The following LRSAM1 variants were observed in gnomAD, a reference collection of about 807,000 sequenced individuals.
The protein encoded by LRSAM1 is leucine rich repeat and sterile alpha motif containing 1, also known as E3 ubiquitin-protein ligase LRSAM1.
In LRSAM1, 96 loss-of-function variants were observed where a neutral mutation model predicts 118.1. That is an observed-to-expected ratio of 0.81 (90% CI 0.69 to 0.96). The LOEUF (loss-of-function observed/expected upper bound fraction) is 0.96. Ranked by LOEUF, LRSAM1 falls within the 40% of genes least tolerant of loss-of-function variation. The pLI, the probability that LRSAM1 is intolerant of heterozygous loss-of-function variation, is 0.00. For missense variants in LRSAM1, 804 were observed against 915.5 expected (o/e 0.88, Z 1.57); for synonymous variants, 322 against 364.2 (o/e 0.88, Z 1.32).
chr9:127,488,434 G>C (rs1384536828), intron 18 of LRSAM1, among the ~76,000 whole-genome samples: 1 of 151,938 alleles, frequency 6.6e-6, no homozygotes, highest in Non-Finnish European at 1.5e-5. Context: ...ACTAATTTTT[G>C]TATTTTTAGT....
chr9:127,462,037 G>A (rs1256379013), intron 8 of LRSAM1, among the ~76,000 whole-genome samples: 1 of 152,194 alleles, frequency 6.6e-6, no homozygotes, highest in East Asian at 1.9e-4. Context: ...GAGAAAACTG[G>A]CACAAGGAGG....
At position 127,458,995 on chromosome 9, in the gene LRSAM1, T is replaced by C. The variant is rs752208982; in HGVS notation, c.253-8T>C. 3 of 1,613,594 alleles carry C rather than the reference T, an allele frequency of 1.9e-6. No individual in the cohort carries two copies. Among genetic ancestry groups the C allele is most frequent in the East Asian group, 4.5e-5 (2 of 44,868 alleles). ...ACTTGGAGACTCACAGGGGTCTTTC[T>C]TCTGCAGGTTCTAGATCTCCACGAT... On this transcript the variant is annotated splice_region_variant and splice_polypyrimidine_tract_variant and intron_variant, in intron 6 of 25. Coordinates refer to ENST00000300417, the MANE Select transcript of LRSAM1 (RefSeq NM_001005373.4).
chr9:127,482,812 C>G, intron 15 of LRSAM1, 138 bp from the exon 16 acceptor site: 1 of 754,856 alleles, frequency 1.3e-6, no homozygotes, highest in African/African-American at 1.7e-5. Flanking sequence ...GCTTGTGATG[C>G]GGTAGGCATC....
rs766883080 is a variant in LRSAM1 at position 127,497,386 on chromosome 9, G to T, written c.1912+52G>T. The T allele has an allele frequency of 1.9e-5, 29 of 1,533,070 alleles. No individual in the cohort carries two copies. In the Admixed American group the frequency reaches 4.9e-4, roughly 26 times the overall value. 95.0% of individuals were successfully genotyped at this position (1,533,070 alleles called of 1,614,324 possible). A position where few individuals can be genotyped will look rare whatever the true frequency, so the allele number is the denominator to read the frequency against. ...AGGCAGGGCTCCAGCCGTATGTGTG[G>T]GCTCTGGTGGGGACAGTCATTTGCT... On this transcript the variant is annotated intron_variant, in intron 24 of 25. Transcript: ENST00000300417.
rs977100758 is a variant in LRSAM1, at chr9:127,465,864, G to A, written c.529-1876G>A. On this transcript the variant is annotated intron_variant, in intron 9 of 25. Transcript: ENST00000300417. The surrounding 1 kb of genome is among the most constrained non-coding windows in gnomAD (Gnocchi z 4.1). ...AGGGTCCAACACAACTCACACCGTG[G>A]ATGGGGCAGTTCTGTGGCTGTGAGC... Among the ~76,000 whole-genome samples, 46 of 152,194 alleles carry A rather than the reference G, an allele frequency of 3.0e-4. No individual in the cohort carries two copies. The highest frequency in any genetic ancestry group is 5.6e-4 in the Non-Finnish European group (38 of 68,034).
chr9:127,492,612 A>T (rs1475558426), intron 20 of LRSAM1, among the ~76,000 whole-genome samples, 190 bp from the exon 21 acceptor site: 2 of 152,212 alleles, frequency 1.3e-5, no homozygotes. Context: ...ACTTAACCCC[A>T]CAAGGAAGAG....
intron 16 of LRSAM1, 33 bp from the exon 17 acceptor site, chr9:127,485,703 C>G (rs373004271): frequency 1.2e-5 from 20 of 1,608,956 alleles, no homozygotes; most frequent in Middle Eastern, 1.6e-4. Flanking sequence ...AGCAGCCACT[C>G]CACTCAGCTG....
rs1427642376 is a variant in LRSAM1, at chr9:127,492,837, C to T, written c.1539C>T (p.Ser513=). 6.2e-7 allele frequency: 1 copy of T among 1,613,856 alleles called. No individual in the cohort carries two copies. The highest frequency in any genetic ancestry group is 8.5e-7 in the Non-Finnish European group (1 of 1,180,048). Residue 513 remains serine, a synonymous_variant, in exon 21 of 26, where the codon TCC becomes TCT. Transcript: ENST00000300417. ...CGGAGCAGCGCTGGGCCCTCAGCTC[C>T]CTGCTCCAGCAGCTGCTCAAAGAGA... is the stretch of plus-strand genomic sequence containing the variant. ...MISEQRWALS[S]LLQQLLKEKQ... is the part of the protein sequence containing the mutation.
At chr9:127,475,868 G>A (rs532862339) in intron 11 of LRSAM1, among the ~76,000 whole-genome samples, 1 of 152,218 alleles carries the variant, frequency 6.6e-6, no homozygotes, top group African/African-American at 2.4e-5. Flanking sequence ...AGCCTCCCGA[G>A]TAGCTGGGAT....
intron 10 of LRSAM1, among the ~76,000 whole-genome samples, chr9:127,470,415 A>T (rs1332143010): frequency 6.6e-6 from 1 of 151,984 alleles, no homozygotes; most frequent in African/African-American, 2.4e-5. Context: ...GCATGGGGGA[A>T]CTGCTCCCAT....
Position 127,458,080 on chromosome 9 carries a change from T to C in LRSAM1, c.252+687T>C, listed in dbSNP as rs1192230300. 2.0e-5 allele frequency among the ~76,000 whole-genome samples: 3 copies of C among 152,028 alleles called. No homozygotes were observed. The East Asian group carries it at 5.8e-4, about 29-fold the overall frequency. On this transcript the variant is annotated intron_variant, in intron 6 of 25. Transcript: ENST00000300417. Reference sequence around the variant, plus strand: ...TCTCCAAGGCCTTTTTTGTGCATTTTCATTTTTAAAAAATTAGCAGTCAGT... The same window carrying C: ...TCTCCAAGGCCTTTTTTGTGCATTTCCATTTTTAAAAAATTAGCAGTCAGT...
intron 16 of LRSAM1, among the ~76,000 whole-genome samples, chr9:127,485,113 T>C (rs1478012867): frequency 1.3e-5 from 2 of 152,206 alleles, no homozygotes; most frequent in Non-Finnish European, 2.9e-5. Context: ...TGGCCTATTT[T>C]AATTTGTTTA....
chr9:127,457,560 T>C (rs1433675548), intron 6 of LRSAM1, 167 bp downstream of exon 6: 10 of 705,386 alleles, frequency 1.4e-5, no homozygotes, highest in Non-Finnish European at 2.5e-5. Context: ...GGGCTGTGTG[T>C]GGGTTAGGGT....
At chr9:127,461,662 G>A (rs939048387) in intron 8 of LRSAM1, among the ~76,000 whole-genome samples, 1 of 152,230 alleles carries the variant, frequency 6.6e-6, no homozygotes, top group African/African-American at 2.4e-5. Flanking sequence ...GAGGGCAGTG[G>A]TGCCATCCCC....
At chr9:127,458,107 G>A (rs1417063219) in intron 6 of LRSAM1, among the ~76,000 whole-genome samples, 4 of 151,996 alleles carry the variant, frequency 2.6e-5, no homozygotes, top group South Asian at 4.1e-4. Flanking sequence ...GCAGTCAGTC[G>A]TGGTGGCTCA....
At chr9:127,479,745 C>A (rs1835463304) in intron 13 of LRSAM1, 94 bp from the exon 14 acceptor site, 59 of 1,521,250 alleles carry the variant, frequency 3.9e-5, no homozygotes, top group Non-Finnish European at 5.2e-5. Flanking sequence ...ATTGGCAAGG[C>A]AGGGTGGGAA....
In LRSAM1 at chr9:127,467,688, C is replaced by T. The variant is rs1835009072; in HGVS notation, c.529-52C>T. ...CAAATTGATAAGGAAATCGTGTGGTCTCCGGTTGCGTTGGTAGCGAACAGT... is the reference window on the plus strand; with the variant it reads ...CAAATTGATAAGGAAATCGTGTGGTTTCCGGTTGCGTTGGTAGCGAACAGT... On this transcript the variant is annotated intron_variant, in intron 9 of 25. Transcript: ENST00000300417. 2.6e-6 allele frequency: 4 copies of T among 1,519,806 alleles called. No individual in the cohort carries two copies. The Admixed American group carries it at 5.7e-5, about 22-fold the overall frequency. 94.1% of individuals were successfully genotyped at this position (1,519,806 alleles called of 1,614,324 possible). A position where few individuals can be genotyped will look rare whatever the true frequency, so the allele number is the denominator to read the frequency against.
At chr9:127,473,703 T>A in intron 10 of LRSAM1, 98 bp from the exon 11 acceptor site, 1 of 1,555,258 alleles carries the variant, frequency 6.4e-7, no homozygotes, top group East Asian at 2.2e-5. Flanking sequence ...AGTGGCTGAG[T>A]CAGGGTGGGG....
At chr9:127,493,670 G>A (rs1836018407) in intron 21 of LRSAM1, among the ~76,000 whole-genome samples, 1 of 152,166 alleles carries the variant, frequency 6.6e-6, no homozygotes, top group African/African-American at 2.4e-5. Context: ...TATGTCCAGG[G>A]CAGGCCGTTT....
Sources: gnomAD v4.1 joint callset for allele counts (sites outside exome capture counted in the v4.1 genomes callset) on GRCh38, gnomAD v4.1.1 for gene constraint, Gnocchi (gnomAD v3.1) non-coding constraint, MANE v1.5 for transcripts, NCBI Gene and HGNC (gene_info 2026-07-23, HGNC 2026-07-21) for gene names.